The following GRIK2 variants were observed in gnomAD, a reference collection of about 807,000 sequenced individuals.
The protein encoded by GRIK2 is glutamate ionotropic receptor kainate type subunit 2.
Under a neutral mutation model 100.3 loss-of-function variants are expected in GRIK2, and 32 were observed. The observed-to-expected ratio is 0.32, with a 90% CI of 0.24 to 0.43. GRIK2 has a LOEUF of 0.43. Ranked by LOEUF, GRIK2 falls within the 20% of genes least tolerant of loss-of-function variation. The pLI is 1.00. For synonymous variants in GRIK2, 417 were observed against 389.4 expected, an observed-to-expected ratio of 1.07 and a Z score of -0.83; for missense variants, 843 against 1,114.9, an observed-to-expected ratio of 0.76 and a Z score of 3.47.
At chr6:101,901,635 A>G (rs1385295926) in intron 12 of GRIK2, among the ~76,000 whole-genome samples, 1 of 151,910 alleles carries the variant, frequency 6.6e-6, no homozygotes, top group Non-Finnish European at 1.5e-5. Flanking sequence ...TAATCAGCTT[A>G]TTGATGAAGT....
chr6:101,777,770 C>T (rs950201705), intron 7 of GRIK2, among the ~76,000 whole-genome samples: 10 of 152,128 alleles, frequency 6.6e-5, no homozygotes, highest in African/African-American at 2.4e-4. Context: ...GATCTGCCAC[C>T]TGCCAGCTAG....
intron 2 of GRIK2, among the ~76,000 whole-genome samples, chr6:101,557,383 G>C (rs1271943451): frequency 6.6e-6 from 1 of 151,962 alleles, no homozygotes; most frequent in Non-Finnish European, 1.5e-5. Flanking sequence ...AATATCTCTG[G>C]GTTATTAAAC....
intron 12 of GRIK2, among the ~76,000 whole-genome samples, chr6:101,892,060 C>A (rs932898360): frequency 6.6e-6 from 1 of 151,942 alleles, no homozygotes; most frequent in South Asian, 2.1e-4. Context: ...TTGCATGTAC[C>A]CTTGTTTTTT....
At chr6:101,754,065 T>C (rs1776969737) in intron 7 of GRIK2, among the ~76,000 whole-genome samples, 1 of 151,996 alleles carries the variant, frequency 6.6e-6, no homozygotes, top group African/African-American at 2.4e-5. Context: ...CAATTAATAG[T>C]TGCTGGAGAA....
At chr6:101,494,824 T>G (rs1306231284) in intron 2 of GRIK2, among the ~76,000 whole-genome samples, 2 of 151,342 alleles carry the variant, frequency 1.3e-5, no homozygotes, top group Non-Finnish European at 2.9e-5. Flanking sequence ...TTCCAGATAC[T>G]CAGGAGACTG....
At chr6:102,031,105 A>T (rs1316823603) in intron 14 of GRIK2, among the ~76,000 whole-genome samples, 1 of 141,362 alleles carries the variant, frequency 7.1e-6, no homozygotes, top group Non-Finnish European at 1.6e-5. Flanking sequence ...ACACACACAC[A>T]CACACACACA....
intron 10 of GRIK2, among the ~76,000 whole-genome samples, chr6:101,836,900 T>C (rs1049460503): frequency 5.3e-5 from 8 of 151,686 alleles, no homozygotes; most frequent in Non-Finnish European, 1.0e-4. Flanking sequence ...TCCTGACCCT[T>C]TGATCTGCCC....
At chr6:101,622,768 G>T (rs186931225) in intron 3 of GRIK2, among the ~76,000 whole-genome samples, 26 of 151,628 alleles carry the variant, frequency 1.7e-4, no homozygotes, top group African/African-American at 6.3e-4. Flanking sequence ...TATAGAAAAA[G>T]AATAAAAAGA....
intron 2 of GRIK2, among the ~76,000 whole-genome samples, chr6:101,539,694 T>C (rs537588183): frequency 6.6e-6 from 1 of 151,918 alleles, no homozygotes; most frequent in Admixed American, 6.6e-5. Context: ...TTGTGTTTCA[T>C]ACTTTGGATT....
chr6:101,674,127 C>A (rs1249585050), intron 4 of GRIK2, among the ~76,000 whole-genome samples: 2 of 152,114 alleles, frequency 1.3e-5, no homozygotes, highest in African/African-American at 4.8e-5. Context: ...TAGTTACTAT[C>A]CTGTATGACT....
chr6:101,681,408 T>G (rs957035901), intron 5 of GRIK2, among the ~76,000 whole-genome samples: 2,504 of 18,848 alleles, frequency 0.13, 56 homozygotes, highest in African/African-American at 0.3. Context: ...TTTTCTATTT[T>G]TTTTTTTTTT....
intron 4 of GRIK2, among the ~76,000 whole-genome samples, chr6:101,635,421 A>C (rs1359572377): frequency 6.6e-6 from 1 of 152,166 alleles, no homozygotes; most frequent in Non-Finnish European, 1.5e-5. Context: ...AACCTAGGCA[A>C]TACCTTTCAG....
At chr6:101,521,693 ATTG>A (rs1188221724) in intron 2 of GRIK2, among the ~76,000 whole-genome samples, 2 of 151,870 alleles carry the variant, frequency 1.3e-5, no homozygotes, top group South Asian at 4.1e-4. Context: ...GCAGAGGATA[ATTG>A]TTGTCTAGTT....
intron 13 of GRIK2, 102 bp from the exon 14 acceptor site, chr6:101,928,313 C>G (rs1234143884): frequency 2.9e-6 from 2 of 679,892 alleles, no homozygotes; most frequent in East Asian, 2.6e-5. Flanking sequence ...TTGATTTAAG[C>G]TTTTATTACA....
intron 2 of GRIK2, among the ~76,000 whole-genome samples, chr6:101,577,727 A>G (rs1777856819): frequency 6.6e-6 from 1 of 152,192 alleles, no homozygotes; most frequent in South Asian, 2.1e-4. Flanking sequence ...ATGATAAAGT[A>G]CTTACTAAAA....
At chr6:101,683,884 A>C (rs1351512521) in intron 6 of GRIK2, among the ~76,000 whole-genome samples, 1 of 152,142 alleles carries the variant, frequency 6.6e-6, no homozygotes, top group Non-Finnish European at 1.5e-5. Context: ...TTTCCTTTGT[A>C]GTGTCTCTAG....
At chr6:101,831,869 T>C (rs773303210) in intron 10 of GRIK2, among the ~76,000 whole-genome samples, 4 of 152,164 alleles carry the variant, frequency 2.6e-5, no homozygotes, top group Non-Finnish European at 5.9e-5. Context: ...TTTTGCTATG[T>C]ACATTTATAA....
chr6:102,039,339 C>T (rs1770447691), intron 15 of GRIK2, among the ~76,000 whole-genome samples: 1 of 151,458 alleles, frequency 6.6e-6, no homozygotes, highest in Non-Finnish European at 1.5e-5. Flanking sequence ...TCATAGTTTT[C>T]CTGACTGCAG....
intron 2 of GRIK2, among the ~76,000 whole-genome samples, chr6:101,590,427 G>C (rs765951402): frequency 1.3e-5 from 2 of 151,996 alleles, no homozygotes; most frequent in Non-Finnish European, 2.9e-5. Flanking sequence ...AGGTATGTGG[G>C]GAGACTGTGG....
Sources: allele counts gnomAD v4.1 joint callset (sites outside exome capture counted in the v4.1 genomes callset), GRCh38; gene constraint gnomAD v4.1.1; transcripts MANE v1.5; gene names NCBI Gene and HGNC (gene_info 2026-07-23, HGNC 2026-07-21).